BORA: variants seen among roughly 807,000 people sequenced by gnomAD.
The protein encoded by BORA is BORA aurora kinase A activator.
A neutral mutation model predicts 55.8 loss-of-function variants in BORA; 26 were observed. The observed-to-expected ratio is 0.47, with a 90% confidence interval of 0.34 to 0.65. The LOEUF is 0.65. BORA is among the 30% of genes least tolerant of loss of function. The pLI, the probability that BORA is intolerant of heterozygous loss-of-function variation, is 0.01. For missense variants in BORA, 568 were observed against 671.5 expected, an observed-to-expected ratio of 0.85 and a Z score of 1.70; for synonymous variants, 201 against 216.9, an observed-to-expected ratio of 0.93 and a Z score of 0.64.
rs764748158 is a variant in BORA, at chr13:72,746,555, A to G, written c.926A>G (p.Asn309Ser). The G allele has an allele frequency of 2.5e-6, 4 of 1,613,976 alleles. No homozygotes were observed. The highest frequency in any genetic ancestry group is 1.7e-4 in the Middle Eastern group (1 of 6,056). The change falls in exon 10 of 12, where the codon AAT (asparagine) becomes AGT (serine). Residue 309 changes from asparagine to serine, a missense_variant. Transcript: ENST00000390667. Reference sequence around the variant, plus strand: ...GATGCTTCATCTGGAACAAATTCTAATGGGATAACTAATCCGTGTATCAGA... The same window carrying G: ...GATGCTTCATCTGGAACAAATTCTAGTGGGATAACTAATCCGTGTATCAGA... ...SPDASSGTNS[N>S]GITNPCIRSP...
At chr13:72,754,045 G>T in intron 11 of BORA, 1 of 421,876 alleles carries the variant, frequency 2.4e-6, no homozygotes, top group Non-Finnish European at 4.2e-6. Context: ...TATTTGATGA[G>T]GGCATTTACT....
chr13:72,755,552 A>T lies in BORA; in HGVS notation c.*336A>T. The T allele has an allele frequency of 8.8e-6, 3 of 342,460 alleles. No individual in the cohort carries two copies. The highest frequency in any genetic ancestry group is 1.6e-5 in the Non-Finnish European group (3 of 192,186). 21.2% of individuals were successfully genotyped at this position (342,460 alleles called of 1,614,324 possible). ...AAGCCTTACTGGTAGCACTGAATTTAGCAGTTCTGAGAACATGTGAAACTA... is the reference window on the plus strand; with the variant it reads ...AAGCCTTACTGGTAGCACTGAATTTTGCAGTTCTGAGAACATGTGAAACTA... On this transcript the variant is annotated 3_prime_UTR_variant, in exon 12 of 12. Coordinates refer to ENST00000390667, the MANE Select transcript of BORA (RefSeq NM_024808.5).
Position 72,745,098 on chromosome 13 carries a change from C to G in BORA, c.629C>G (p.Ser210Trp), listed in dbSNP as rs9543107. The G allele has an allele frequency of 1.2e-6, 2 of 1,613,990 alleles. No homozygotes were observed. Among genetic ancestry groups the G allele is most frequent in the Non-Finnish European group, 1.7e-6 (2 of 1,179,974 alleles). The change falls in exon 8 of 12, where the codon TCG becomes TGG. Residue 210 changes from serine (S) to tryptophan (W), a missense_variant. Ser to Trp is a radical substitution (Grantham distance 177). Transcript: ENST00000390667. ...GNGSISDSLPSASPGSPHSGV... is the reference protein window; with the variant it reads ...GNGSISDSLPWASPGSPHSGV... ...GGAAGCATCTCCGACTCCTTACCTTCGGCTTCTCCCGGAAGTCCTCACAGT... is the reference window on the plus strand; with the variant it reads ...GGAAGCATCTCCGACTCCTTACCTTGGGCTTCTCCCGGAAGTCCTCACAGT...
rs940277806 is a variant in BORA, at chr13:72,753,494, A to G, written c.1483-196A>G. On this transcript the variant is annotated intron_variant, in intron 10 of 11. Transcript: ENST00000390667. Reference sequence around the variant, plus strand: ...TATATTTCATTGGAAGGAATTGTAAAATGACTACAATAATCAGTACTATGC... The same window carrying G: ...TATATTTCATTGGAAGGAATTGTAAGATGACTACAATAATCAGTACTATGC... The G allele has an allele frequency of 6.6e-6, 3 of 455,868 alleles. No individual in the cohort carries two copies. The Admixed American group carries it at 1.2e-4, about 18-fold the overall frequency. 28.2% of individuals were successfully genotyped at this position (455,868 alleles called of 1,614,324 possible).
At position 72,727,929 on chromosome 13, in the gene BORA, T is replaced by A. The variant is rs942211918; in HGVS notation, c.-94T>A. On this transcript the variant is annotated 5_prime_UTR_variant, in exon 1 of 12. Transcript: ENST00000390667. ...AGCGCGGAAGCGGGGAGTTAAAGAGTCTATGCCTGTCGTGGAAGCTGGCCT... is the reference window on the plus strand; with the variant it reads ...AGCGCGGAAGCGGGGAGTTAAAGAGACTATGCCTGTCGTGGAAGCTGGCCT... The A allele has an allele frequency of 1.3e-6, 2 of 1,550,360 alleles. No individual in the cohort carries two copies. Among genetic ancestry groups the A allele is most frequent in the Non-Finnish European group, 8.7e-7 (1 of 1,146,936 alleles).
chr13:72,746,708 A>G lies in BORA; in HGVS notation c.1079A>G (p.Glu360Gly). 1 of 1,614,160 alleles carries G rather than the reference A, an allele frequency of 6.2e-7. No homozygotes were observed. Among genetic ancestry groups the G allele is most frequent in the Non-Finnish European group, 8.5e-7 (1 of 1,180,010 alleles). The part of the protein sequence containing the change: ...QIPFTLETQG[E>G]DEEDKENIPS... Reference sequence around the variant, plus strand: ...CCTTTTACTCTTGAGACTCAAGGTGAAGATGAGGAAGATAAAGAGAATATT... The same window carrying G: ...CCTTTTACTCTTGAGACTCAAGGTGGAGATGAGGAAGATAAAGAGAATATT... Residue 360 changes from glutamate to glycine, a missense_variant, in exon 10 of 12, where the codon GAA (glutamate) becomes GGA (glycine). Coordinates refer to ENST00000390667, the MANE Select transcript of BORA (RefSeq NM_024808.5).
intron 3 of BORA, among the ~76,000 whole-genome samples, chr13:72,734,296 G>GAAATAAATA (rs1379256701): frequency 0.013 from 1,962 of 152,194 alleles, 48 homozygotes; most frequent in African/African-American, 0.045. Context: ...TCCTGTAATG[G>GAAATAAATA]AATAAAGAAG....
chr13:72,729,172 C>A, intron 2 of BORA, 79 bp downstream of exon 2: 1 of 1,207,002 alleles, frequency 8.3e-7, no homozygotes, highest in Non-Finnish European at 1.1e-6. Flanking sequence ...AAACATCTGT[C>A]TTTACAAGGT....
chr13:72,753,961 A>G (rs2033357967), intron 11 of BORA, 140 bp downstream of exon 11: 2 of 858,676 alleles, frequency 2.3e-6, no homozygotes, highest in Non-Finnish European at 1.7e-6. Context: ...TTAACATCCA[A>G]TAACCTTTAA....
intron 10 of BORA, chr13:72,753,123 C>G (rs2033323760): frequency 6.6e-6 from 1 of 152,224 alleles, no homozygotes; most frequent in Non-Finnish European, 1.5e-5. Flanking sequence ...TTTAGACACT[C>G]AATAAATGTT....
chr13:72,749,506 AT>A (rs2033219793), intron 10 of BORA, among the ~76,000 whole-genome samples: 1 of 11,520 alleles, frequency 8.7e-5, no homozygotes, highest in African/African-American at 1.4e-4. Flanking sequence ...ATTTCTAAAA[AT>A]CTTTTTTTTT....
chr13:72,727,966 C>T lies in BORA; in HGVS notation c.-57C>T, dbSNP rs768051457. 1.9e-6 allele frequency: 3 copies of T among 1,550,496 alleles called. No individual in the cohort carries two copies. Among genetic ancestry groups the T allele is most frequent in the East Asian group, 4.9e-5 (2 of 40,916 alleles). Reference sequence around the variant, plus strand: ...GTGGAAGCTGGCCTGGCCCCCGGAGCTCCCTGGAGTCGGTACTGGGGGCTT... The same window carrying T: ...GTGGAAGCTGGCCTGGCCCCCGGAGTTCCCTGGAGTCGGTACTGGGGGCTT... On this transcript the variant is annotated 5_prime_UTR_variant, in exon 1 of 12. Coordinates refer to ENST00000390667, the MANE Select transcript of BORA (RefSeq NM_024808.5).
chr13:72,740,594 G>T (rs1308977183), intron 5 of BORA, among the ~76,000 whole-genome samples: 1 of 152,276 alleles, frequency 6.6e-6, no homozygotes, highest in East Asian at 1.9e-4. Context: ...TTAGGGCCAA[G>T]GTTGGCAGCC....
chr13:72,754,014 A>C (rs890103688), intron 11 of BORA, 193 bp downstream of exon 11: 53 of 540,474 alleles, frequency 9.8e-5, no homozygotes, highest in Admixed American at 2.1e-4. Flanking sequence ...TACATACTAC[A>C]AAGTGTGCAA....
chr13:72,742,763 TATATACACACACACACACAC>T lies in BORA; in HGVS notation c.389-772_389-753del, dbSNP rs1016329754. ...GACTTTTTAAAATGTGATATATATA[TATATACACACACACACACAC>T]ACACACACACACACACACACACACA... On this transcript the variant is annotated intron_variant, in intron 5 of 11. Transcript: ENST00000390667. 4.3e-4 allele frequency among the ~76,000 whole-genome samples: 20 copies of T among 45,990 alleles called. No homozygotes were observed. The East Asian group carries it at 6.2e-3, about 14-fold the overall frequency. 30.2% of individuals were successfully genotyped at this position (45,990 alleles called of 152,430 possible).
chr13:72,753,554 A>G (rs2033339592), intron 10 of BORA, 136 bp from the exon 11 acceptor site: 1 of 895,504 alleles, frequency 1.1e-6, no homozygotes, highest in Non-Finnish European at 1.7e-6. Context: ...TTACTTTTGA[A>G]TTTTGTTCAA....
At chr13:72,754,840 TGAG>T (rs2033402615) in intron 11 of BORA, 4 of 236,500 alleles carry the variant, frequency 1.7e-5, no homozygotes, top group Non-Finnish European at 3.3e-5. Flanking sequence ...CTCAGCCTCC[TGAG>T]TAGCTAGGGC....
rs75012745 is a variant in BORA at position 72,736,488 on chromosome 13, C to A, written c.307-1474C>A. 8.5e-5 allele frequency among the ~76,000 whole-genome samples: 13 copies of A among 152,228 alleles called. No homozygotes were observed. The East Asian group carries it at 2.5e-3, about 29-fold the overall frequency. ...ATCATTCTCATACTATTATCGTTCT[C>A]ATACTGCATCCTCCTTTTTTTGCTT... On this transcript the variant is annotated intron_variant, in intron 4 of 11. Coordinates refer to ENST00000390667, the MANE Select transcript of BORA (RefSeq NM_024808.5).
At chr13:72,729,345 A>G (rs1244658890) in intron 2 of BORA, among the ~76,000 whole-genome samples, 1 of 151,948 alleles carries the variant, frequency 6.6e-6, no homozygotes, top group Non-Finnish European at 1.5e-5. Context: ...GTGTAGCTAC[A>G]TTCTGTGGTT....
Sources: gnomAD v4.1 joint callset for allele counts (sites outside exome capture counted in the v4.1 genomes callset) on GRCh38, gnomAD v4.1.1 for gene constraint, MANE v1.5 for transcripts, NCBI Gene and HGNC (gene_info 2026-07-23, HGNC 2026-07-21) for gene names.